FBLN1: variants seen among roughly 807,000 people sequenced by gnomAD.
FBLN1 encodes fibulin-1.
Under a neutral mutation model 89.7 loss-of-function variants are expected in FBLN1, and 34 were observed. The ratio of observed to expected loss-of-function variants is 0.38; its 90% CI spans 0.29 to 0.50. The LOEUF is 0.50. FBLN1 is among the 20% of genes least tolerant of loss of function. The probability of loss-of-function intolerance (pLI) is 0.92; values close to 1 mark genes in which losing one functional copy is unlikely to be tolerated. For missense variants in FBLN1, 777 were observed against 988.1 expected (o/e 0.79, Z 2.86); for synonymous variants, 393 against 391.3 (o/e 1.00, Z -0.05).
intron 3 of FBLN1, among the ~76,000 whole-genome samples, chr22:45,526,373 C>T (rs2088328022): frequency 6.6e-6 from 1 of 152,192 alleles, no homozygotes; most frequent in Non-Finnish European, 1.5e-5. Flanking sequence ...TGCCTGACAG[C>T]ATTGCCTACA....
rs200861934 is a variant in FBLN1, at chr22:45,577,691, C to T, written c.1972+583C>T. Among the ~76,000 whole-genome samples the T allele has an allele frequency of 2.6e-5, 4 of 152,338 alleles. No individual in the cohort carries two copies. The East Asian group carries it at 7.7e-4, about 29-fold the overall frequency. On this transcript the variant is annotated intron_variant, in intron 16 of 16. Coordinates refer to ENST00000327858, the MANE Select transcript of FBLN1 (RefSeq NM_006486.3). The surrounding 1 kb of genome is among the most constrained non-coding windows in gnomAD (Gnocchi z 6.6). ...CCATCTGAATGGGGAGCTCACTGCT[C>T]TTTCTCCCTGGAGATCCGGTGTTTG...
intron 1 of FBLN1, among the ~76,000 whole-genome samples, chr22:45,515,005 T>C (rs1369158065): frequency 6.6e-6 from 1 of 152,220 alleles, no homozygotes; most frequent in African/African-American, 2.4e-5. Flanking sequence ...TGTATGTTCA[T>C]GTCACTGGTG....
Position 45,537,241 on chromosome 22 carries a change from G to T in FBLN1, c.922+1904G>T, listed in dbSNP as rs1349542079. On this transcript the variant is annotated intron_variant, in intron 8 of 16. Coordinates refer to ENST00000327858, the MANE Select transcript of FBLN1 (RefSeq NM_006486.3). This position sits in a 1 kb window ranked among gnomAD's most constrained non-coding sequence, Gnocchi z 5.7. ...TTTCAACTTTTCCTTAGCGAAATCT[G>T]TATTGATCATTTATTTGAAATAGTG... Among the ~76,000 whole-genome samples the T allele has an allele frequency of 6.6e-6, 1 of 152,236 alleles. No individual in the cohort carries two copies. The highest frequency in any genetic ancestry group is 1.5e-5 in the Non-Finnish European group (1 of 68,042).
rs1005455860 is a variant in FBLN1 at position 45,597,130 on chromosome 22, G to A, written c.1973-3177G>A. On this transcript the variant is annotated intron_variant, in intron 16 of 16. Transcript: ENST00000327858. The surrounding 1 kb of genome is among the most constrained non-coding windows in gnomAD (Gnocchi z 4.2). The stretch of plus-strand genomic sequence containing the variant: ...CAATTCTGCCACCTCAGCCTCCTGA[G>A]TAGCTGGGACTATAAGCACACACCA... 4.8e-5 allele frequency among the ~76,000 whole-genome samples: 6 copies of A among 124,986 alleles called. No individual in the cohort carries two copies. Among genetic ancestry groups the A allele is most frequent in the Admixed American group, 1.9e-4 (2 of 10,548 alleles). 82.0% of individuals were successfully genotyped at this position (124,986 alleles called of 152,430 possible).
rs2089127236 is a variant in FBLN1 at position 45,590,542 on chromosome 22, C to T, written c.1973-9765C>T. 6.6e-6 allele frequency among the ~76,000 whole-genome samples: 1 copy of T among 152,144 alleles called. No individual in the cohort carries two copies. The highest frequency in any genetic ancestry group is 2.1e-4 in the South Asian group (1 of 4,822). On this transcript the variant is annotated intron_variant, in intron 16 of 16. Coordinates refer to ENST00000327858, the MANE Select transcript of FBLN1 (RefSeq NM_006486.3). This position sits in a 1 kb window ranked among gnomAD's most constrained non-coding sequence, Gnocchi z 4.1. The stretch of plus-strand genomic sequence containing the variant: ...CCTGCAGAGCCACAGTGGGCCCCCA[C>T]GGTTGGATTTACCTCCTGGCTCTGA...
chr22:45,600,551 G>A lies in FBLN1; in HGVS notation c.*105G>A. 7.5e-7 allele frequency: 1 copy of A among 1,338,984 alleles called. No homozygotes were observed. The highest frequency in any genetic ancestry group is 1.1e-6 in the Non-Finnish European group (1 of 931,568). 82.9% of individuals were successfully genotyped at this position (1,338,984 alleles called of 1,614,324 possible). Reference sequence around the variant, plus strand: ...TACCCTCAGACTTTTTTAATGTTAGGTATTTGTAGCATTAGGCCAACATGT... The same window carrying A: ...TACCCTCAGACTTTTTTAATGTTAGATATTTGTAGCATTAGGCCAACATGT... On this transcript the variant is annotated 3_prime_UTR_variant, in exon 17 of 17. Transcript: ENST00000327858.
Position 45,563,040 on chromosome 22 carries a change from C to T in FBLN1, c.1698-11471C>T. ...GCGGTGGTTTTCCGCATGGGCCCCT[C>T]CAGTGCTGTCCCCGGGGACAGCATG... On this transcript the variant is annotated intron_variant, in intron 14 of 16. Coordinates refer to ENST00000327858, the MANE Select transcript of FBLN1 (RefSeq NM_006486.3). This position sits in a 1 kb window ranked among gnomAD's most constrained non-coding sequence, Gnocchi z 5.7. The T allele has an allele frequency of 6.2e-7, 1 of 1,613,484 alleles. No homozygotes were observed. The highest frequency in any genetic ancestry group is 1.1e-5 in the South Asian group (1 of 91,078).
intron 8 of FBLN1, chr22:45,535,734 A>T (rs1004915138): frequency 1.3e-5 from 3 of 232,224 alleles, no homozygotes; most frequent in African/African-American, 6.9e-5. Flanking sequence ...TCTGAGCTTT[A>T]ATTTTTTCCT....
chr22:45,580,025 A>G lies in FBLN1; in HGVS notation c.1972+2917A>G, dbSNP rs1483335033. On this transcript the variant is annotated intron_variant, in intron 16 of 16. Coordinates refer to ENST00000327858, the MANE Select transcript of FBLN1 (RefSeq NM_006486.3). The surrounding 1 kb of genome is among the most constrained non-coding windows in gnomAD (Gnocchi z 8.6). ...CGTTGCTGGGCACCTTCACCCCCGC[A>G]TTCCCCAGTCCTCACAGACACTGCC... Among the ~76,000 whole-genome samples the G allele has an allele frequency of 6.6e-6, 1 of 152,002 alleles. No individual in the cohort carries two copies. The highest frequency in any genetic ancestry group is 1.5e-5 in the Non-Finnish European group (1 of 67,986).
chr22:45,528,476 C>G (rs1223618718), intron 4 of FBLN1, among the ~76,000 whole-genome samples: 1 of 152,038 alleles, frequency 6.6e-6, no homozygotes, highest in African/African-American at 2.4e-5. Flanking sequence ...TCCCGAGTAG[C>G]TGGGATTACA....
chr22:45,541,362 G>A lies in FBLN1; in HGVS notation c.1056G>A (p.Thr352=), dbSNP rs376616186. ...GRGYHLNEEG[T]RCVDVDECAP... ...GCTACCATCTCAACGAGGAGGGAAC[G>A]CGCTGTGTTGGTTGGTATTAAGAAA... Residue 352 remains threonine (T), a synonymous_variant, in exon 9 of 17, where the codon ACG becomes ACA. Coordinates refer to ENST00000327858, the MANE Select transcript of FBLN1 (RefSeq NM_006486.3). 104 of 1,614,244 alleles carry A rather than the reference G, an allele frequency of 6.4e-5. 1 individual carries two copies. The highest frequency in any genetic ancestry group is 1.7e-4 in the Middle Eastern group (1 of 6,060).
At position 45,550,511 on chromosome 22, in the gene FBLN1, T is replaced by G. The variant is rs751042768; in HGVS notation, c.1593T>G (p.Thr531=). 6.8e-6 allele frequency: 11 copies of G among 1,614,116 alleles called. No individual in the cohort carries two copies. In the South Asian group the frequency reaches 9.9e-5, roughly 14 times the overall value. Residue 531 remains threonine (T), a synonymous_variant, in exon 14 of 17, where the codon ACT becomes ACG. Transcript: ENST00000327858. This position sits in a 1 kb window ranked among gnomAD's most constrained non-coding sequence, Gnocchi z 8.4. ...TTGCAGACATTGATGAGTGTGTGAC[T>G]GGCATCCACAACTGCTCCATCAACG... is the stretch of plus-strand genomic sequence containing the variant. ...RNCQDIDECV[T]GIHNCSINET...
chr22:45,527,199 G>A (rs994635750), intron 3 of FBLN1, among the ~76,000 whole-genome samples: 1 of 152,210 alleles, frequency 6.6e-6, no homozygotes, highest in Admixed American at 6.5e-5. Context: ...GACTGAAGCA[G>A]GGCTTTTCGT....
chr22:45,568,428 G>A (rs62225029), intron 14 of FBLN1, among the ~76,000 whole-genome samples: 5,594 of 77,426 alleles, frequency 0.072, 549 homozygotes, highest in African/African-American at 0.12. Context: ...CTGTAGGGGA[G>A]TGCTCCTTCT....
chr22:45,596,455 C>G (rs2089186806), intron 16 of FBLN1, among the ~76,000 whole-genome samples: 1 of 152,054 alleles, frequency 6.6e-6, no homozygotes, highest in African/African-American at 2.4e-5. Flanking sequence ...TGCGCAGACC[C>G]TCTGTGCATT....
intron 1 of FBLN1, among the ~76,000 whole-genome samples, chr22:45,510,099 A>C (rs78210833): frequency 6.6e-4 from 101 of 152,206 alleles, no homozygotes; most frequent in African/African-American, 2.3e-3. Flanking sequence ...GCCAACTTAA[A>C]ATATCCTCAT....
In FBLN1 at chr22:45,597,796, A is replaced by G. The variant is rs1309149719; in HGVS notation, c.1973-2511A>G. Among the ~76,000 whole-genome samples the G allele has an allele frequency of 1.3e-5, 2 of 152,200 alleles. No individual in the cohort carries two copies. The highest frequency in any genetic ancestry group is 4.8e-5 in the African/African-American group (2 of 41,452). On this transcript the variant is annotated intron_variant, in intron 16 of 16. Transcript: ENST00000327858. The surrounding 1 kb of genome is among the most constrained non-coding windows in gnomAD (Gnocchi z 4.2). ...TGCAGAAGCCTGTGCTTATCTCTCCATCGGAGCTAAAGCCCATGTTTGCTT... is the reference window on the plus strand; with the variant it reads ...TGCAGAAGCCTGTGCTTATCTCTCCGTCGGAGCTAAAGCCCATGTTTGCTT...
intron 11 of FBLN1, among the ~76,000 whole-genome samples, 176 bp from the exon 12 acceptor site, chr22:45,546,909 C>T (rs999370287): frequency 2.6e-5 from 4 of 152,114 alleles, no homozygotes; most frequent in African/African-American, 4.8e-5. Flanking sequence ...ATGGAGGGTC[C>T]GGAGCCACCA....
At chr22:45,582,049 CGGTTGAGGTTGT>C (rs907563823) in intron 16 of FBLN1, among the ~76,000 whole-genome samples, 10 of 152,138 alleles carry the variant, frequency 6.6e-5, no homozygotes, top group African/African-American at 2.4e-4. Context: ...CTTGAGGTTG[CGGTTGAGGTTGT>C]ACCCACTCAG....
Sources: gnomAD v4.1 joint callset for allele counts (sites outside exome capture counted in the v4.1 genomes callset) on GRCh38, gnomAD v4.1.1 for gene constraint, Gnocchi (gnomAD v3.1) non-coding constraint, MANE v1.5 for transcripts, NCBI Gene and HGNC (gene_info 2026-07-23, HGNC 2026-07-21) for gene names.